CDK14: variants seen among roughly 807,000 people sequenced by gnomAD.
CDK14 encodes the protein cyclin-dependent kinase 14.
A neutral mutation model predicts 60.7 loss-of-function variants in CDK14; 34 were observed. That is an observed-to-expected ratio of 0.56 (90% confidence interval 0.43 to 0.75). The LOEUF (loss-of-function observed/expected upper bound fraction) is 0.75. CDK14 is among the 30% of genes least tolerant of loss of function. The pLI is 0.00. For synonymous variants in CDK14, 197 were observed against 203.7 expected (o/e 0.97, Z 0.28); for missense variants, 482 against 564.1 (o/e 0.85, Z 1.47).
chr7:90,970,975 A>G (rs943694866), intron 9 of CDK14, among the ~76,000 whole-genome samples: 2 of 152,090 alleles, frequency 1.3e-5, no homozygotes, highest in Non-Finnish European at 1.5e-5. Flanking sequence ...ACATGTGCAC[A>G]ACGTGCAGGT....
chr7:91,060,765 A>T (rs1237247698), intron 11 of CDK14, among the ~76,000 whole-genome samples: 1 of 152,136 alleles, frequency 6.6e-6, no homozygotes, highest in African/African-American at 2.4e-5. Context: ...CTGCCGAGAG[A>T]TCAGCTGTTA....
At chr7:91,127,551 T>C (rs1799990848) in intron 14 of CDK14, among the ~76,000 whole-genome samples, 1 of 152,172 alleles carries the variant, frequency 6.6e-6, no homozygotes, top group Non-Finnish European at 1.5e-5. Context: ...TGCAGTCTCA[T>C]TGATAGAAGA....
chr7:91,101,788 C>T (rs965899033), intron 12 of CDK14, among the ~76,000 whole-genome samples: 4 of 152,128 alleles, frequency 2.6e-5, no homozygotes, highest in African/African-American at 9.7e-5. Context: ...GTCAGATTCA[C>T]TCATGTTCTG....
At chr7:91,117,533 T>G (rs1277980502) in intron 13 of CDK14, among the ~76,000 whole-genome samples, 1 of 152,174 alleles carries the variant, frequency 6.6e-6, no homozygotes, top group Non-Finnish European at 1.5e-5. Context: ...CAGGAGAGAC[T>G]TCACTGACCT....
At chr7:90,628,234 G>A (rs2116392723) in intron 2 of CDK14, among the ~76,000 whole-genome samples, 1 of 152,318 alleles carries the variant, frequency 6.6e-6, no homozygotes, top group South Asian at 2.1e-4. Flanking sequence ...TGGGATTACA[G>A]GCGTGAGCCA....
intron 14 of CDK14, among the ~76,000 whole-genome samples, chr7:91,181,545 A>G (rs1260433680): frequency 6.6e-6 from 1 of 152,154 alleles, no homozygotes; most frequent in African/African-American, 2.4e-5. Context: ...TCAGTTCTTT[A>G]TAGTTTATTA....
chr7:90,723,080 A>AT (rs1027135434), intron 2 of CDK14, among the ~76,000 whole-genome samples: 23 of 152,224 alleles, frequency 1.5e-4, no homozygotes, highest in African/African-American at 4.3e-4. Context: ...GTTACATGTA[A>AT]TTTTTTGGTA....
At chr7:90,688,377 T>C (rs1220082829) in intron 2 of CDK14, among the ~76,000 whole-genome samples, 3 of 152,208 alleles carry the variant, frequency 2.0e-5, no homozygotes, top group Non-Finnish European at 4.4e-5. Context: ...TACGATCATA[T>C]TGAAGAAACT....
chr7:91,140,611 G>T (rs1210930234), intron 14 of CDK14, among the ~76,000 whole-genome samples: 9 of 152,158 alleles, frequency 5.9e-5, no homozygotes, highest in Admixed American at 5.9e-4. Context: ...AGCAACCTGG[G>T]CTTTCAGACT....
At position 90,945,395 on chromosome 7, in the gene CDK14, G is replaced by A. The variant is rs566607811; in HGVS notation, c.827-10302G>A. ...CAAATGGGGCAATTGAGGGGTGTTCGATGAAGGGACTGTTTATGAAACTCT... is the reference window on the plus strand; with the variant it reads ...CAAATGGGGCAATTGAGGGGTGTTCAATGAAGGGACTGTTTATGAAACTCT... On this transcript the variant is annotated intron_variant, in intron 8 of 14. Transcript: ENST00000380050. Among the ~76,000 whole-genome samples the A allele has an allele frequency of 2.1e-4, 32 of 152,288 alleles. No homozygotes were observed. The South Asian group carries it at 6.2e-3, about 30-fold the overall frequency.
At chr7:90,634,926 G>GACAC (rs1800100820) in intron 2 of CDK14, among the ~76,000 whole-genome samples, 1 of 152,130 alleles carries the variant, frequency 6.6e-6, no homozygotes, top group Admixed American at 6.5e-5. Flanking sequence ...CTGCATAAAT[G>GACAC]TCTTCTTTTG....
intron 12 of CDK14, 118 bp downstream of exon 12, chr7:91,079,598 T>C: frequency 1.3e-6 from 1 of 776,110 alleles, no homozygotes. Flanking sequence ...ATTCATTCAT[T>C]TAACCATTAA....
intron 9 of CDK14, 106 bp from the exon 10 acceptor site, chr7:90,984,042 T>G: frequency 1.3e-6 from 1 of 753,172 alleles, no homozygotes. Flanking sequence ...AGGAAACAGT[T>G]TACTCACCGC....
chr7:91,031,432 T>C (rs923888061), intron 10 of CDK14, among the ~76,000 whole-genome samples: 2 of 152,082 alleles, frequency 1.3e-5, no homozygotes, highest in African/African-American at 4.8e-5. Context: ...AATCCCAAAA[T>C]ATTAGATACA....
intron 2 of CDK14, among the ~76,000 whole-genome samples, chr7:90,724,710 T>G (rs1262769710): frequency 1.3e-5 from 2 of 152,080 alleles, no homozygotes; most frequent in Non-Finnish European, 2.9e-5. Context: ...TCTGTCATCC[T>G]TATCTTTTAG....
At chr7:91,059,922 T>C (rs189290038) in intron 11 of CDK14, among the ~76,000 whole-genome samples, 1,641 of 147,808 alleles carry the variant, frequency 0.011, 33 homozygotes, top group African/African-American at 0.029. Context: ...CTATTAGGTC[T>C]GCTTGGTGCA....
chr7:90,786,336 T>A (rs956852098), intron 4 of CDK14, among the ~76,000 whole-genome samples: 1 of 152,194 alleles, frequency 6.6e-6, no homozygotes, highest in Admixed American at 6.5e-5. Context: ...CATTAGCCTT[T>A]GATTTAATTA....
At chr7:90,635,635 A>G (rs1800126434) in intron 2 of CDK14, among the ~76,000 whole-genome samples, 1 of 152,056 alleles carries the variant, frequency 6.6e-6, no homozygotes, top group Non-Finnish European at 1.5e-5. Flanking sequence ...TTGGTTCCAT[A>G]TGAACTTTAA....
At chr7:91,091,423 C>T (rs1296964513) in intron 12 of CDK14, among the ~76,000 whole-genome samples, 1 of 135,726 alleles carries the variant, frequency 7.4e-6, no homozygotes, top group Non-Finnish European at 1.6e-5. Context: ...TACATATATA[C>T]ATATATAATT....
Sources: gnomAD v4.1 joint callset for allele counts (sites outside exome capture counted in the v4.1 genomes callset) on GRCh38, gnomAD v4.1.1 for gene constraint, MANE v1.5 for transcripts, NCBI Gene and HGNC (gene_info 2026-07-23, HGNC 2026-07-21) for gene names.